DPH6: variants seen among roughly 807,000 people sequenced by gnomAD.
The protein encoded by DPH6 is diphthine--ammonia ligase.
A neutral mutation model predicts 38.2 loss-of-function variants in DPH6; 33 were observed. The ratio of observed to expected loss-of-function variants is 0.86; its 90% CI spans 0.65 to 1.15. DPH6 has a LOEUF of 1.15. DPH6 is among the 50% of genes most tolerant of loss of function. The pLI, the probability that DPH6 is intolerant of heterozygous loss-of-function variation, is 0.00. For missense variants in DPH6, 325 were observed against 320.0 expected (o/e 1.02, Z -0.12); for synonymous variants, 108 against 103.0 (o/e 1.05, Z -0.30).
At position 35,372,038 on chromosome 15, in the gene DPH6, A is replaced by C; in HGVS notation, c.*112T>G. 7.0e-7 allele frequency: 1 copy of C among 1,433,168 alleles called. No individual in the cohort carries two copies. Among genetic ancestry groups the C allele is most frequent in the Non-Finnish European group, 9.1e-7 (1 of 1,096,870 alleles). The allele number at this position is 1,433,168 out of a possible 1,614,324, so 88.8% of individuals were successfully genotyped here. On this transcript the variant is annotated 3_prime_UTR_variant, in exon 9 of 9. Coordinates refer to ENST00000256538, the MANE Select transcript of DPH6 (RefSeq NM_080650.4). ...CTTCTAGTGAAAGTATGTTTCTCTA[A>C]AAAAATAAGAGTCATGAGAAAAAAA... is the stretch of plus-strand genomic sequence containing the variant.
chr15:35,253,353 A>G (rs555105318), intron 3 of DPH6, among the ~76,000 whole-genome samples: 25 of 152,338 alleles, frequency 1.6e-4, no homozygotes, highest in Admixed American at 3.9e-4. Flanking sequence ...GGCTAAAGCA[A>G]TGGCAGATTC....
intron 3 of DPH6, chr15:35,298,825 G>A (rs1445353045): frequency 9.3e-6 from 10 of 1,074,342 alleles, no homozygotes; most frequent in Non-Finnish European, 1.5e-5. Flanking sequence ...CACTGGGGGA[G>A]GAATGGCAGT....
At chr15:35,464,292 C>CAAAA (rs371821044) in intron 3 of DPH6, among the ~76,000 whole-genome samples, 1 of 113,508 alleles carries the variant, frequency 8.8e-6, no homozygotes. Flanking sequence ...GACTTTGTCT[C>CAAAA]AAAAAAAAAA....
chr15:35,455,816 T>C (rs2053989257), intron 3 of DPH6, among the ~76,000 whole-genome samples: 1 of 152,154 alleles, frequency 6.6e-6, no homozygotes, highest in Non-Finnish European at 1.5e-5. Context: ...AAGAAACTAC[T>C]TCAGAGAGAT....
chr15:35,391,139 G>A (rs144002424), intron 6 of DPH6, among the ~76,000 whole-genome samples: 3,001 of 152,254 alleles, frequency 0.02, 92 homozygotes, highest in African/African-American at 0.068. Flanking sequence ...TATCAGCAGC[G>A]GAGGCTGCAG....
the DPH6 span, among the ~76,000 whole-genome samples, chr15:35,177,273 A>T: frequency 6.0e-3 from 918 of 151,858 alleles, 9 homozygotes; most frequent in African/African-American, 0.021. Flanking sequence ...ACCAAGTTTT[A>T]AAAAAAACTA....
intron 6 of DPH6, among the ~76,000 whole-genome samples, chr15:35,397,427 C>G (rs1257429789): frequency 2.0e-5 from 3 of 152,164 alleles, no homozygotes; most frequent in African/African-American, 7.2e-5. Flanking sequence ...GTAGATTGAA[C>G]CTATGCATCT....
At chr15:35,277,784 T>C (rs2051869298) in intron 3 of DPH6, among the ~76,000 whole-genome samples, 1 of 152,182 alleles carries the variant, frequency 6.6e-6, no homozygotes. Flanking sequence ...ATTGTGTTCA[T>C]GTCCTAGGAA....
chr15:35,283,757 T>C lies in DPH6; in HGVS notation n.201-63175A>G, dbSNP rs72708920. Among the ~76,000 whole-genome samples, 248 of 140,572 alleles carry C rather than the reference T, an allele frequency of 1.8e-3. 1 individual carries two copies. The highest frequency in any genetic ancestry group is 5.1e-3 in the East Asian group (24 of 4,710). The allele number at this position is 140,572 out of a possible 152,430, so 92.2% of individuals were successfully genotyped here. On this transcript the variant is annotated intron_variant and non_coding_transcript_variant, in intron 3 of 3. Coordinates refer to the DPH6 transcript ENST00000560386. ...TACTTTTTTCATTGGGCACAGATAG[T>C]ACACACACACACACACACACACACA...
At chr15:35,455,005 G>A (rs937003887) in intron 3 of DPH6, among the ~76,000 whole-genome samples, 185 bp from the exon 4 acceptor site, 4 of 152,074 alleles carry the variant, frequency 2.6e-5, no homozygotes, top group Non-Finnish European at 5.9e-5. Context: ...TCTCAGCTGT[G>A]AGAAAAATAA....
chr15:35,508,784 A>G (rs978076424), intron 3 of DPH6, among the ~76,000 whole-genome samples: 3 of 152,138 alleles, frequency 2.0e-5, no homozygotes, highest in Non-Finnish European at 4.4e-5. Context: ...AGAAAAGACC[A>G]TCCCTTTAGG....
chr15:35,371,922 CGAAAGA>C lies in DPH6; in HGVS notation c.*222_*227del. ...AAAGGTCATAGGGAAGATGTGTTAA[CGAAAGA>C]GAAAGAGTGAATTCCAAGAAAGTTG... On this transcript the variant is annotated 3_prime_UTR_variant, in exon 9 of 9. Transcript: ENST00000256538. The C allele has an allele frequency of 9.0e-6, 11 of 1,224,032 alleles. No homozygotes were observed. The highest frequency in any genetic ancestry group is 1.1e-5 in the Non-Finnish European group (11 of 974,434). The allele number at this position is 1,224,032 out of a possible 1,614,324, so 75.8% of individuals were successfully genotyped here.
intron 3 of DPH6, among the ~76,000 whole-genome samples, chr15:35,255,827 TCA>T (rs2051704263): frequency 4.0e-5 from 6 of 151,526 alleles, no homozygotes; most frequent in Non-Finnish European, 7.4e-5. Flanking sequence ...AGAAGATTAT[TCA>T]TTCTATCCAT....
downstream of DPH6, among the ~76,000 whole-genome samples, chr15:35,330,492 T>C (rs1412888299): frequency 1.3e-5 from 2 of 152,164 alleles, no homozygotes; most frequent in African/African-American, 2.4e-5. Context: ...TTGCATTAAG[T>C]ACATAAATGA....
chr15:35,189,612 T>G, the DPH6 span, among the ~76,000 whole-genome samples: 1 of 152,242 alleles, frequency 6.6e-6, no homozygotes, highest in African/African-American at 2.4e-5. Context: ...CACTACATTA[T>G]GTTTGCAAAT....
At chr15:35,533,411 T>C (rs2055117859) in intron 3 of DPH6, among the ~76,000 whole-genome samples, 1 of 152,060 alleles carries the variant, frequency 6.6e-6, no homozygotes, top group African/African-American at 2.4e-5. Flanking sequence ...TTTAAGCTAT[T>C]AAAATGAAAA....
At chr15:35,535,918 A>G (rs2055161985) in intron 3 of DPH6, among the ~76,000 whole-genome samples, 1 of 152,158 alleles carries the variant, frequency 6.6e-6, no homozygotes, top group South Asian at 2.1e-4. Flanking sequence ...ACTCTTTGCA[A>G]AAAGGAACAT....
chr15:35,314,474 C>T lies in DPH6; in HGVS notation n.200+59047G>A, dbSNP rs375867677. Among the ~76,000 whole-genome samples the T allele has an allele frequency of 8.5e-5, 13 of 152,302 alleles. 1 individual carries two copies. In the South Asian group the frequency reaches 2.5e-3, roughly 29 times the overall value. On this transcript the variant is annotated intron_variant and non_coding_transcript_variant, in intron 3 of 3. Transcript: ENST00000560386. ...ATCGGTCATAAAGCAGCGGAGACAA[C>T]TTGCAACATCAACAACGCATTTGGT...
At chr15:35,267,085 T>A (rs2051788186) in intron 3 of DPH6, among the ~76,000 whole-genome samples, 1 of 151,952 alleles carries the variant, frequency 6.6e-6, no homozygotes. Flanking sequence ...AAGGATAGGA[T>A]AAATAAAATA....
Sources: allele counts gnomAD v4.1 joint callset (sites outside exome capture counted in the v4.1 genomes callset), GRCh38; gene constraint gnomAD v4.1.1; transcripts MANE v1.5; gene names NCBI Gene and HGNC (gene_info 2026-07-23, HGNC 2026-07-21).